The following CELSR1 variants were observed in gnomAD, a reference collection of about 807,000 sequenced individuals.
The protein encoded by CELSR1 is cadherin EGF LAG seven-pass G-type receptor 1, also known as adhesion G protein-coupled receptor C1.
Under a neutral mutation model 249.1 loss-of-function variants are expected in CELSR1, and 110 were observed. The observed-to-expected ratio is 0.44, with a 90% confidence interval of 0.38 to 0.52. CELSR1 has a LOEUF of 0.52. Among genes scored for constraint, CELSR1 ranks in the 20% least tolerant of loss-of-function variants. The pLI is 0.00. For missense variants in CELSR1, 4,109 were observed against 4,296.4 expected (o/e 0.96, Z 1.22); for synonymous variants, 2,113 against 1,900.0 (o/e 1.11, Z -2.92).
chr22:46,377,450 GCCCTGGGCCCTGGGCAT>G (rs1439968765), intron 23 of CELSR1, 189 bp from the exon 24 acceptor site: 4 of 624,948 alleles, frequency 6.4e-6, no homozygotes, highest in Non-Finnish European at 1.1e-5. Flanking sequence ...CTCCTTCAAT[GCCCTGGGCCCTGGGCAT>G]CCCTGGGGCC....
At chr22:46,438,358 C>G (rs546728946) in intron 3 of CELSR1, among the ~76,000 whole-genome samples, 1 of 151,408 alleles carries the variant, frequency 6.6e-6, no homozygotes, top group South Asian at 2.1e-4. Flanking sequence ...CAGCTAGGCG[C>G]CCCCCAACCC....
In CELSR1 at chr22:46,423,238, G is replaced by A. The variant is rs2079498584; in HGVS notation, c.4611+10155C>T. ...GTCATATGAGTGAGGCCTTCACACA[G>A]CCCTGGCTGAATCGCATAGACCAGA... On this transcript the variant is annotated intron_variant, in intron 5 of 34. Coordinates refer to ENST00000674500, the MANE Select transcript of CELSR1 (RefSeq NM_001378328.1). The surrounding 1 kb of genome is among the most constrained non-coding windows in gnomAD (Gnocchi z 5.6). 6.6e-6 allele frequency among the ~76,000 whole-genome samples: 1 copy of A among 152,250 alleles called. No individual in the cohort carries two copies. Among genetic ancestry groups the A allele is most frequent in the Admixed American group, 6.5e-5 (1 of 15,284 alleles).
chr22:46,474,298 A>G lies in CELSR1; in HGVS notation c.3545-9953T>C, dbSNP rs551007090. ...CTCCTGACACCCCCAGGAAGCCCAC[A>G]TCTTGGTTTCCCTGGTTTCTCCTCT... On this transcript the variant is annotated intron_variant, in intron 1 of 34. Coordinates refer to ENST00000674500, the MANE Select transcript of CELSR1 (RefSeq NM_001378328.1). 2.0e-3 allele frequency among the ~76,000 whole-genome samples: 304 copies of G among 152,228 alleles called. 3 individuals are homozygous for G. Among genetic ancestry groups the G allele is most frequent in the African/African-American group, 7.1e-3 (296 of 41,542 alleles).
chr22:46,496,229 T>G (rs986583699), intron 1 of CELSR1, among the ~76,000 whole-genome samples: 6 of 150,732 alleles, frequency 4.0e-5, no homozygotes, highest in Admixed American at 2.7e-4. Context: ...TTGACTCTTT[T>G]GTAACAACAC....
intron 1 of CELSR1, among the ~76,000 whole-genome samples, chr22:46,521,622 T>A (rs2080686838): frequency 6.6e-6 from 1 of 151,870 alleles, no homozygotes; most frequent in Admixed American, 6.6e-5. Flanking sequence ...TTCGAGACCA[T>A]CCTGGCCAAC....
intron 1 of CELSR1, among the ~76,000 whole-genome samples, chr22:46,502,320 G>C (rs1269085021): frequency 9.5e-6 from 1 of 105,128 alleles, no homozygotes; most frequent in Admixed American, 1.0e-4. Flanking sequence ...AAGAGGGGAG[G>C]AAGAGGGGAG....
chr22:46,487,439 G>A (rs1184385155), intron 1 of CELSR1, among the ~76,000 whole-genome samples: 1 of 146,388 alleles, frequency 6.8e-6, no homozygotes, highest in African/African-American at 2.6e-5. Flanking sequence ...TGAGATCTAG[G>A]GATGCCAAGA....
chr22:46,439,677 T>C (rs2079718812), intron 2 of CELSR1, among the ~76,000 whole-genome samples: 2 of 152,058 alleles, frequency 1.3e-5, no homozygotes, highest in Non-Finnish European at 2.9e-5. Context: ...AAGCACTCTG[T>C]GGGGTCAAAG....
rs748248179 is a variant in CELSR1 at position 46,436,309 on chromosome 22, C to T, written c.4407-20G>A. ...GCAAACCTGTGGGGCCAAGCAGAGGCACATCACAGGATGAAGACCCCAGGG... is the reference window on the plus strand; with the variant it reads ...GCAAACCTGTGGGGCCAAGCAGAGGTACATCACAGGATGAAGACCCCAGGG... On this transcript the variant is annotated intron_variant, in intron 3 of 34. Transcript: ENST00000674500. This position sits in a 1 kb window ranked among gnomAD's most constrained non-coding sequence, Gnocchi z 5.9. 6.3e-7 allele frequency: 1 copy of T among 1,596,148 alleles called. No homozygotes were observed. Among genetic ancestry groups the T allele is most frequent in the South Asian group, 1.1e-5 (1 of 90,606 alleles).
intron 1 of CELSR1, among the ~76,000 whole-genome samples, chr22:46,491,051 G>A (rs1028139766): frequency 1.3e-5 from 2 of 151,972 alleles, no homozygotes; most frequent in Non-Finnish European, 2.9e-5. Flanking sequence ...ATCCATGCTC[G>A]CCAGGTCTCC....
Position 46,472,239 on chromosome 22 carries a change from T to C in CELSR1, c.3545-7894A>G, listed in dbSNP as rs2080163177. 6.6e-6 allele frequency among the ~76,000 whole-genome samples: 1 copy of C among 152,190 alleles called. No individual in the cohort carries two copies. The highest frequency in any genetic ancestry group is 6.5e-5 in the Admixed American group (1 of 15,268). ...CGTGAACCACATCATGGGAAGGAAC[T>C]TTCTGGGTCTTCATGGAGGTTGGGA... On this transcript the variant is annotated intron_variant, in intron 1 of 34. Transcript: ENST00000674500. The surrounding 1 kb of genome is among the most constrained non-coding windows in gnomAD (Gnocchi z 7.0).
intron 1 of CELSR1, among the ~76,000 whole-genome samples, chr22:46,532,237 C>T (rs1039232570): frequency 1.3e-5 from 2 of 152,220 alleles, no homozygotes; most frequent in African/African-American, 4.8e-5. Flanking sequence ...TCCCATTGTG[C>T]TTTATCTATA....
intron 1 of CELSR1, among the ~76,000 whole-genome samples, chr22:46,532,661 T>C (rs1200180817): frequency 1.3e-5 from 2 of 152,154 alleles, no homozygotes; most frequent in Admixed American, 1.3e-4. Context: ...TTGGCAGTAG[T>C]TTGGGCTTAT....
At position 46,436,281 on chromosome 22, in the gene CELSR1, G is replaced by A. The variant is rs931374138; in HGVS notation, c.4415C>T (p.Thr1472Ile). Reference protein sequence around the residue: ...FHFTISLTFATQERNGLLLYN... With the variant: ...FHFTISLTFAIQERNGLLLYN... ...GAGAAGCAAGCCGTTCCTTTCCTGA[G>A]TGGCAAACCTGTGGGGCCAAGCAGA... is the stretch of plus-strand genomic sequence containing the variant. Residue 1472 changes from threonine (T) to isoleucine (I), a missense_variant, in exon 4 of 35, where the codon ACT becomes ATT. By Grantham distance (89) the Thr-to-Ile change is moderately conservative. This residue lies in a region of CELSR1 where 453 missense variants were observed against 492.0 expected (regional missense o/e 0.92). Transcript: ENST00000674500. The surrounding 1 kb of genome is among the most constrained non-coding windows in gnomAD (Gnocchi z 5.9). The A allele has an allele frequency of 1.4e-5, 22 of 1,613,892 alleles. No homozygotes were observed. The highest frequency in any genetic ancestry group is 1.9e-5 in the Non-Finnish European group (22 of 1,179,826).
rs1205736030 is a variant in CELSR1, at chr22:46,429,459, T to C, written c.4611+3934A>G. ...GCGTGGGGGCTGTGTTGTTCATCTG[T>C]GCTTGGCGGAGCGCCACACAAATGT... On this transcript the variant is annotated intron_variant, in intron 5 of 34. Transcript: ENST00000674500. The surrounding 1 kb of genome is among the most constrained non-coding windows in gnomAD (Gnocchi z 4.1). 2.0e-5 allele frequency among the ~76,000 whole-genome samples: 3 copies of C among 152,254 alleles called. No homozygotes were observed. The highest frequency in any genetic ancestry group is 4.4e-5 in the Non-Finnish European group (3 of 68,040).
chr22:46,423,559 C>T lies in CELSR1; in HGVS notation c.4611+9834G>A, dbSNP rs1023815648. Among the ~76,000 whole-genome samples, 2 of 142,070 alleles carry T rather than the reference C, an allele frequency of 1.4e-5. No individual in the cohort carries two copies. Among genetic ancestry groups the T allele is most frequent in the Non-Finnish European group, 3.0e-5 (2 of 66,166 alleles). The allele number at this position is 142,070 out of a possible 152,430, so 93.2% of individuals were successfully genotyped here. On this transcript the variant is annotated intron_variant, in intron 5 of 34. Coordinates refer to ENST00000674500, the MANE Select transcript of CELSR1 (RefSeq NM_001378328.1). This position sits in a 1 kb window ranked among gnomAD's most constrained non-coding sequence, Gnocchi z 5.6. ...GGCAGAGGTTGCGGTGAGCCGAGATCGCGCCTTTACACTCCAGCCTGGGCA... is the reference window on the plus strand; with the variant it reads ...GGCAGAGGTTGCGGTGAGCCGAGATTGCGCCTTTACACTCCAGCCTGGGCA...
In CELSR1 at chr22:46,488,606, C is replaced by G. The variant is rs2080338501; in HGVS notation, c.3545-24261G>C. Among the ~76,000 whole-genome samples the G allele has an allele frequency of 1.3e-5, 2 of 152,048 alleles. No individual in the cohort carries two copies. Among genetic ancestry groups the G allele is most frequent in the Non-Finnish European group, 2.9e-5 (2 of 67,992 alleles). ...CACCCCCCGCGCCACAGTGGAAAGT[C>G]CCCAGAAGCAGCAGTTTCTACGGCA... On this transcript the variant is annotated intron_variant, in intron 1 of 34. Transcript: ENST00000674500. The surrounding 1 kb of genome is among the most constrained non-coding windows in gnomAD (Gnocchi z 4.7).
Position 46,536,466 on chromosome 22 carries a change from C to A in CELSR1, c.705G>T (p.Arg235=). 1 of 1,606,964 alleles carries A rather than the reference C, an allele frequency of 6.2e-7. No homozygotes were observed. Among genetic ancestry groups the A allele is most frequent in the Non-Finnish European group, 8.5e-7 (1 of 1,177,328 alleles). Residue 235 remains arginine, a synonymous_variant, in exon 1 of 35, where the codon CGG becomes CGT. Coordinates refer to ENST00000674500, the MANE Select transcript of CELSR1 (RefSeq NM_001378328.1). ...TCAGGCTCCCTCTGCCGCTCGTGCC[C>A]CGCCGGGCCCGTCGCGCCGGCCCCG... The part of the protein sequence containing the change: ...ARAGPARRAR[R]GTSGRGSLKF...
chr22:46,372,995 G>A lies in CELSR1; in HGVS notation c.7647C>T (p.Thr2549=), dbSNP rs1448693440. 6 of 1,613,046 alleles carry A rather than the reference G, an allele frequency of 3.7e-6. No homozygotes were observed. In the East Asian group the frequency reaches 6.7e-5, roughly 18 times the overall value. ...HYIYMSTFAW[T]LVESLHVYRM... ...GGTAGACATGCAGGCTCTCCACGAG[G>A]GTCCAGGCAAAGGTGCTCATGTAGA... Residue 2549 remains threonine, a synonymous_variant, in exon 25 of 35, where the codon ACC becomes ACT. Coordinates refer to ENST00000674500, the MANE Select transcript of CELSR1 (RefSeq NM_001378328.1).
Sources: allele counts gnomAD v4.1 joint callset (sites outside exome capture counted in the v4.1 genomes callset), GRCh38; gene constraint gnomAD v4.1.1; regional missense constraint gnomAD v4.1.1; non-coding constraint Gnocchi (gnomAD v3.1); transcripts MANE v1.5; gene names NCBI Gene and HGNC (gene_info 2026-07-23, HGNC 2026-07-21).